EXOC4: variants seen among roughly 807,000 people sequenced by gnomAD.
The protein encoded by EXOC4 is SEC8-like 1.
A neutral mutation model predicts 107.2 loss-of-function variants in EXOC4; 71 were observed. That is an observed-to-expected ratio of 0.66 (90% CI 0.55 to 0.81). The LOEUF (loss-of-function observed/expected upper bound fraction) is 0.81, where lower values mean the gene tolerates loss of function less well. Among genes scored for constraint, EXOC4 ranks in the 30% least tolerant of loss-of-function variants. EXOC4 has a pLI of 0.00. For synonymous variants in EXOC4, 456 were observed against 441.2 expected (o/e 1.03, Z -0.42); for missense variants, 1,108 against 1,189.6 (o/e 0.93, Z 1.01).
At chr7:133,931,069 A>G (rs1358890517) in intron 13 of EXOC4, among the ~76,000 whole-genome samples, 1 of 152,058 alleles carries the variant, frequency 6.6e-6, no homozygotes, top group African/African-American at 2.4e-5. Flanking sequence ...AAATTTGGTC[A>G]ATTATTTGAT....
intron 5 of EXOC4, among the ~76,000 whole-genome samples, chr7:133,338,007 CTTTCT>C (rs1003347152): frequency 1.1e-5 from 1 of 93,508 alleles, no homozygotes; most frequent in South Asian, 3.8e-4. Flanking sequence ...GTTAGGTTTT[CTTTCT>C]TTTTTTTTTT....
chr7:133,355,457 T>G (rs1015569838), intron 5 of EXOC4, among the ~76,000 whole-genome samples: 2 of 152,090 alleles, frequency 1.3e-5, no homozygotes, highest in African/African-American at 4.8e-5. Context: ...CTATGTGAAG[T>G]TTTGCATATG....
chr7:134,085,993 A>G, the EXOC4 span, among the ~76,000 whole-genome samples: 1 of 152,158 alleles, frequency 6.6e-6, no homozygotes, highest in Non-Finnish European at 1.5e-5. Context: ...TGCAACCAGG[A>G]AGTCGTACTG....
At chr7:133,401,064 T>C (rs747772195) in intron 7 of EXOC4, among the ~76,000 whole-genome samples, 5 of 152,118 alleles carry the variant, frequency 3.3e-5, no homozygotes, top group Non-Finnish European at 5.9e-5. Context: ...TTTAACCAAC[T>C]AGAAGAGTTG....
chr7:133,293,652 G>A (rs1794455982), intron 3 of EXOC4, among the ~76,000 whole-genome samples: 1 of 152,010 alleles, frequency 6.6e-6, no homozygotes, highest in South Asian at 2.1e-4. Flanking sequence ...CTATAGGCTT[G>A]GCTTTTAGGT....
intron 10 of EXOC4, among the ~76,000 whole-genome samples, chr7:133,805,595 C>G (rs1385036244): frequency 1.3e-5 from 2 of 152,086 alleles, no homozygotes; most frequent in Admixed American, 6.5e-5. Context: ...GGGCATTCAC[C>G]ATACACGTAA....
chr7:133,970,198 C>T (rs1801170890), intron 14 of EXOC4, among the ~76,000 whole-genome samples: 1 of 152,176 alleles, frequency 6.6e-6, no homozygotes, highest in African/African-American at 2.4e-5. Context: ...CCTCCCCCCA[C>T]CAAGCTCAAG....
chr7:133,658,293 A>G (rs1057283557), intron 10 of EXOC4, among the ~76,000 whole-genome samples: 7 of 152,106 alleles, frequency 4.6e-5, no homozygotes, highest in African/African-American at 7.2e-5. Context: ...TTTCTCACCT[A>G]TGGTTTGAAA....
chr7:133,542,008 C>CT (rs953675201), intron 9 of EXOC4, among the ~76,000 whole-genome samples: 32 of 152,042 alleles, frequency 2.1e-4, no homozygotes, highest in African/African-American at 7.7e-4. Flanking sequence ...TGTTAGGAAT[C>CT]TTTTTTTAGG....
chr7:133,872,982 A>T (rs1798779488), intron 11 of EXOC4, among the ~76,000 whole-genome samples: 1 of 152,260 alleles, frequency 6.6e-6, no homozygotes, highest in Non-Finnish European at 1.5e-5. Context: ...GAGAAAATAG[A>T]AAGCCTGGTT....
intron 9 of EXOC4, among the ~76,000 whole-genome samples, chr7:133,606,185 A>G (rs185713852): frequency 1.3e-5 from 2 of 152,220 alleles, no homozygotes; most frequent in East Asian, 3.9e-4. Context: ...CATGCTCCTA[A>G]TCCCCTACAA....
At chr7:133,623,355 G>A (rs2151008312) in intron 9 of EXOC4, among the ~76,000 whole-genome samples, 1 of 152,150 alleles carries the variant, frequency 6.6e-6, no homozygotes, top group East Asian at 1.9e-4. Flanking sequence ...TTGAAACATG[G>A]ATTTCTCACT....
intron 2 of EXOC4, among the ~76,000 whole-genome samples, chr7:133,279,421 T>C (rs946314048): frequency 6.6e-6 from 1 of 152,232 alleles, no homozygotes; most frequent in African/African-American, 2.4e-5. Flanking sequence ...AGGCCCACTC[T>C]AGCTGCTGTG....
intron 5 of EXOC4, among the ~76,000 whole-genome samples, chr7:133,321,644 G>T (rs1482227593): frequency 2.6e-5 from 4 of 152,272 alleles, no homozygotes; most frequent in African/African-American, 4.8e-5. Context: ...ATTTGGGTTG[G>T]TTCCAAGTCT....
intron 13 of EXOC4, among the ~76,000 whole-genome samples, chr7:133,929,652 A>AC (rs1466270777): frequency 6.6e-6 from 1 of 152,072 alleles, no homozygotes; most frequent in African/African-American, 2.4e-5. Context: ...GATTTAGCCT[A>AC]CAGAATATTT....
intron 9 of EXOC4, among the ~76,000 whole-genome samples, chr7:133,572,321 G>GCTC (rs1801040684): frequency 6.6e-6 from 1 of 152,014 alleles, no homozygotes; most frequent in African/African-American, 2.4e-5. Context: ...CTCCAAATTT[G>GCTC]CACCAAGGCA....
intron 5 of EXOC4, among the ~76,000 whole-genome samples, chr7:133,336,424 C>A (rs1300499177): frequency 6.6e-6 from 1 of 152,098 alleles, no homozygotes. Flanking sequence ...ATTCTCCCCC[C>A]AAAGAGAAAG....
At chr7:133,328,182 G>A (rs1339648728) in intron 5 of EXOC4, among the ~76,000 whole-genome samples, 6 of 151,798 alleles carry the variant, frequency 4.0e-5, no homozygotes, top group Admixed American at 3.9e-4. Context: ...TTACCAATAT[G>A]TACTGGCCTT....
chr7:133,273,085 CT>C (rs1287211355), intron 1 of EXOC4, among the ~76,000 whole-genome samples: 3 of 152,118 alleles, frequency 2.0e-5, no homozygotes, highest in Admixed American at 1.3e-4. Flanking sequence ...AGTTAAACAT[CT>C]AGGAACCCTT....
Sources: allele counts gnomAD v4.1 joint callset (sites outside exome capture counted in the v4.1 genomes callset), GRCh38; gene constraint gnomAD v4.1.1; transcripts MANE v1.5; gene names NCBI Gene and HGNC (gene_info 2026-07-23, HGNC 2026-07-21).